Variants in CNR1 observed in about 807,000 individuals in gnomAD.
The protein encoded by CNR1 is cannabinoid receptor 1, also known as cannabinoid receptor 1 (brain).
Under a neutral mutation model 23.0 loss-of-function variants are expected in CNR1, and 10 were observed. The observed-to-expected ratio is 0.43, with a 90% CI of 0.27 to 0.74. CNR1 has a LOEUF of 0.74. Among genes scored for constraint, CNR1 ranks in the 30% least tolerant of loss-of-function variants. The probability of loss-of-function intolerance (pLI) is 0.19; values close to 1 mark genes in which losing one functional copy is unlikely to be tolerated. For missense variants in CNR1, 422 were observed against 618.8 expected, an observed-to-expected ratio of 0.68 and a Z score of 3.37; for synonymous variants, 271 against 255.2, an observed-to-expected ratio of 1.06 and a Z score of -0.59.
At chr6:88,145,831 C>A (rs777203864) in intron 1 of CNR1, among the ~76,000 whole-genome samples, 1 of 152,188 alleles carries the variant, frequency 6.6e-6, no homozygotes, top group African/African-American at 2.4e-5. Context: ...ATGTAAAAGA[C>A]AACCAAAGAA....
intron 1 of CNR1, 125 bp from the exon 2 acceptor site, chr6:88,145,462 T>C: frequency 1.7e-6 from 1 of 579,528 alleles, no homozygotes; most frequent in Non-Finnish European, 3.1e-6. Context: ...CAGTAGGAGG[T>C]CAAGTTCTCA....
At chr6:88,155,098 T>A (rs1035727280) in intron 1 of CNR1, among the ~76,000 whole-genome samples, 34 of 152,248 alleles carry the variant, frequency 2.2e-4, no homozygotes, top group African/African-American at 6.7e-4. Flanking sequence ...TATCAAGGAG[T>A]CCATAGCAAC....
Position 88,145,319 on chromosome 6 carries a change from T to A in CNR1, c.-45A>T, listed in dbSNP as rs1777120507. The A allele has an allele frequency of 6.6e-7, 1 of 1,510,176 alleles. No homozygotes were observed. Among genetic ancestry groups the A allele is most frequent in the African/African-American group, 1.4e-5 (1 of 72,332 alleles). The allele number at this position is 1,510,176 out of a possible 1,614,324, so 93.5% of individuals were successfully genotyped here. On this transcript the variant is annotated 5_prime_UTR_variant, in exon 2 of 2. Coordinates refer to ENST00000369501, the MANE Select transcript of CNR1 (RefSeq NM_016083.6). ...GCTGAGCTCAAAATGACTGAGAAAG[T>A]GACCCACAGGGGGCAATCCTAAGAG...
rs765964116 is a variant in CNR1, at chr6:88,143,887, A to G, written c.1388T>C (p.Val463Ala). ...AGCCTCGGCAGACGTGTCTGTGGAC[A>G]CAGACATGGTTACCTTGGCAATCTT... is the stretch of plus-strand genomic sequence containing the variant. ...TVKIAKVTMSVSTDTSAEAL is the reference protein window; with the variant it reads ...TVKIAKVTMSASTDTSAEAL Residue 463 changes from valine (V) to alanine (A), a missense_variant, in exon 2 of 2, where the codon GTG becomes GCG. Val to Ala is a moderately conservative substitution (Grantham distance 64). Around this residue, in one of 4 missense-constraint regions of CNR1, gnomAD observed 79 missense variants for 98.0 expected, o/e 0.81. Transcript: ENST00000369501. The G allele has an allele frequency of 2.5e-6, 4 of 1,613,902 alleles. No individual in the cohort carries two copies. The Admixed American group carries it at 5.0e-5, about 20-fold the overall frequency.
rs201733924 is a variant in CNR1 at position 88,161,519 on chromosome 6, A to AAT, written c.-64+4282_-64+4283dup. Among the ~76,000 whole-genome samples the AAT allele has an allele frequency of 2.8e-4, 43 of 152,362 alleles. No homozygotes were observed. The East Asian group carries it at 8.1e-3, about 29-fold the overall frequency. On this transcript the variant is annotated intron_variant, in intron 1 of 1. Transcript: ENST00000369501. ...AAATATCAATGGAAACTAGATCAAG[A>AAT]ATATATACATGCAACTAACTGTCCT...
intron 1 of CNR1, among the ~76,000 whole-genome samples, chr6:88,148,224 T>C (rs1257643331): frequency 3.9e-5 from 6 of 152,194 alleles, no homozygotes; most frequent in Non-Finnish European, 5.9e-5. Context: ...CTTCTTGCCA[T>C]AGCTCCCTGC....
rs1377351495 is a variant in CNR1, at chr6:88,139,991, G to A, written c.*3865C>T. The A allele has an allele frequency of 2.0e-5, 3 of 152,410 alleles. No homozygotes were observed. Among genetic ancestry groups the A allele is most frequent in the African/African-American group, 7.2e-5 (3 of 41,424 alleles). The allele number at this position is 152,410 out of a possible 1,614,324, so 9.4% of individuals were successfully genotyped here. On this transcript the variant is annotated 3_prime_UTR_variant, in exon 2 of 2. Transcript: ENST00000369501. ...ATTACATTGAAATAAAATATACTGT[G>A]GGCTTAATACATTGTAAATATTACA...
chr6:88,166,186 T>G lies in CNR1; in HGVS notation c.-447A>C, dbSNP rs1778362522. The G allele has an allele frequency of 6.6e-6, 1 of 151,742 alleles. No individual in the cohort carries two copies. The highest frequency in any genetic ancestry group is 6.6e-5 in the Admixed American group (1 of 15,256). 9.4% of individuals were successfully genotyped at this position (151,742 alleles called of 1,614,324 possible). On this transcript the variant is annotated 5_prime_UTR_variant, in exon 1 of 2. Coordinates refer to ENST00000369501, the MANE Select transcript of CNR1 (RefSeq NM_016083.6). ...GCGACCGGGACTGGCGCCCCGCTGC[T>G]CCGACCGCCGGCGAGCCTCGCCCCT... is the stretch of plus-strand genomic sequence containing the variant.
chr6:88,158,255 G>T (rs1054685221), intron 1 of CNR1, among the ~76,000 whole-genome samples: 4 of 152,348 alleles, frequency 2.6e-5, no homozygotes, highest in Non-Finnish European at 5.9e-5. Context: ...TTGAAACCAT[G>T]AGGCTGTTCT....
intron 1 of CNR1, among the ~76,000 whole-genome samples, chr6:88,159,131 A>C (rs1461544090): frequency 6.6e-6 from 1 of 152,218 alleles, no homozygotes; most frequent in Non-Finnish European, 1.5e-5. Context: ...TTGCTAAGAC[A>C]TTTCCTTCAC....
rs1473497915 is a variant in CNR1, at chr6:88,145,126, A to G, written c.149T>C (p.Leu50Ser). The change falls in exon 2 of 2, where the codon TTA becomes TCA. Residue 50 changes from leucine (L) to serine (S), a missense_variant. By Grantham distance (145) the Leu-to-Ser change is moderately radical. This residue lies in a region of CNR1 where 120 missense variants were observed against 117.6 expected (regional missense o/e 1.02). Coordinates refer to ENST00000369501, the MANE Select transcript of CNR1 (RefSeq NM_016083.6). ...KLGYFPQKFPLTSFRGSPFQE... is the reference protein window; with the variant it reads ...KLGYFPQKFPSTSFRGSPFQE... ...GAAGGGACTTCCCCTAAAGGAAGTT[A>G]AAGGGAATTTCTGTGGGAAGTACCC... The G allele has an allele frequency of 3.1e-6, 5 of 1,614,130 alleles. No homozygotes were observed. The Admixed American group carries it at 5.0e-5, about 16-fold the overall frequency.
chr6:88,145,850 T>C (rs1484205761), intron 1 of CNR1, among the ~76,000 whole-genome samples: 1 of 152,026 alleles, frequency 6.6e-6, no homozygotes, highest in East Asian at 1.9e-4. Flanking sequence ...AATAAGACAG[T>C]GTAGAATCAA....
At position 88,144,028 on chromosome 6, in the gene CNR1, T is replaced by C; in HGVS notation, c.1247A>G (p.Glu416Gly). The change falls in exon 2 of 2, where the codon GAA becomes GGA. Residue 416 changes from glutamate to glycine, a missense_variant. Transcript: ENST00000369501. The surrounding 1 kb of genome is among the most constrained non-coding windows in gnomAD (Gnocchi z 7.8). ...HAFRSMFPSC[E>G]GTAQPLDNSM... ...GTTATCCAGAGGCTGCGCAGTGCCT[T>C]CACAAGAGGGAAACATGCTCCGGAA... is the stretch of plus-strand genomic sequence containing the variant. 1 of 1,613,940 alleles carries C rather than the reference T, an allele frequency of 6.2e-7. No individual in the cohort carries two copies. Among genetic ancestry groups the C allele is most frequent in the Non-Finnish European group, 8.5e-7 (1 of 1,179,984 alleles).
At chr6:88,163,094 T>C (rs895329274) in intron 1 of CNR1, 3 of 152,198 alleles carry the variant, frequency 2.0e-5, no homozygotes, top group African/African-American at 7.2e-5. Flanking sequence ...CATGCTTTAA[T>C]TGCTTTAATT....
chr6:88,151,960 T>C (rs559718475), intron 1 of CNR1, among the ~76,000 whole-genome samples: 32 of 152,212 alleles, frequency 2.1e-4, no homozygotes, highest in African/African-American at 7.2e-4. Context: ...GTAAATTGCC[T>C]AGAATATGAT....
In CNR1 at chr6:88,166,077, G is replaced by C. The variant is rs149417664; in HGVS notation, c.-338C>G. 1 of 152,412 alleles carries C rather than the reference G, an allele frequency of 6.6e-6. No individual in the cohort carries two copies. Among genetic ancestry groups the C allele is most frequent in the Non-Finnish European group, 1.5e-5 (1 of 68,232 alleles). The allele number at this position is 152,412 out of a possible 1,614,324, so 9.4% of individuals were successfully genotyped here. ...GCTGCTGGCGAGGCGGGGTGGGGTGGAGTGGGGTGTGCCTCCGGCGGGCGG... is the reference window on the plus strand; with the variant it reads ...GCTGCTGGCGAGGCGGGGTGGGGTGCAGTGGGGTGTGCCTCCGGCGGGCGG... On this transcript the variant is annotated 5_prime_UTR_variant, in exon 1 of 2. Transcript: ENST00000369501.
rs1330254276 is a variant in CNR1 at position 88,143,751 on chromosome 6, G to A, written c.*105C>T. 2.5e-6 allele frequency: 2 copies of A among 794,308 alleles called. No homozygotes were observed. The highest frequency in any genetic ancestry group is 4.1e-6 in the Non-Finnish European group (2 of 485,364). 49.2% of individuals were successfully genotyped at this position (794,308 alleles called of 1,614,324 possible). A position where few individuals can be genotyped will look rare whatever the true frequency, so the allele number is the denominator to read the frequency against. ...ATGGTGACAATCACCTTTTCATTGAGCATGGTAAAGTTAAAAAAATATAAC... is the reference window on the plus strand; with the variant it reads ...ATGGTGACAATCACCTTTTCATTGAACATGGTAAAGTTAAAAAAATATAAC... On this transcript the variant is annotated 3_prime_UTR_variant, in exon 2 of 2. Coordinates refer to ENST00000369501, the MANE Select transcript of CNR1 (RefSeq NM_016083.6).
upstream of CNR1, among the ~76,000 whole-genome samples, chr6:88,166,837 G>C (rs566364556): frequency 2.4e-4 from 36 of 152,088 alleles, no homozygotes; most frequent in African/African-American, 8.7e-4. Context: ...GGCGCGCCGG[G>C]CCCGGGGGTG....
At chr6:88,160,703 GGGATTGCAGGCGTGAGCTACCGCGCCT>G (rs1410363052) in intron 1 of CNR1, among the ~76,000 whole-genome samples, 3 of 152,122 alleles carry the variant, frequency 2.0e-5, no homozygotes, top group Non-Finnish European at 2.9e-5. Flanking sequence ...CCAAAGTGCT[GGGATTGCAGGCGTGAGCTACCGCGCCT>G]GGACTAGAAT....
Sources: gnomAD v4.1 joint callset for allele counts (sites outside exome capture counted in the v4.1 genomes callset) on GRCh38, gnomAD v4.1.1 for gene constraint, gnomAD v4.1.1 regional missense constraint, Gnocchi (gnomAD v3.1) non-coding constraint, MANE v1.5 for transcripts, NCBI Gene and HGNC (gene_info 2026-07-23, HGNC 2026-07-21) for gene names.